The following FOXJ3 variants were observed in gnomAD, a reference collection of about 807,000 sequenced individuals.
FOXJ3 encodes the protein forkhead box J3.
A neutral mutation model predicts 76.1 loss-of-function variants in FOXJ3; 22 were observed. The observed-to-expected ratio is 0.29, with a 90% CI of 0.21 to 0.41. The LOEUF (loss-of-function observed/expected upper bound fraction) is 0.41, where lower values mean the gene tolerates loss of function less well. Among genes scored for constraint, FOXJ3 ranks in the 10% least tolerant of loss-of-function variants. FOXJ3 has a pLI of 1.00. For synonymous variants in FOXJ3, 269 were observed against 261.2 expected (o/e 1.03, Z -0.29); for missense variants, 613 against 762.1 (o/e 0.80, Z 2.30).
chr1:42,224,719 G>A (rs1647407786), intron 5 of FOXJ3, among the ~76,000 whole-genome samples: 1 of 151,980 alleles, frequency 6.6e-6, no homozygotes, highest in Admixed American at 6.6e-5. Flanking sequence ...TAACTGTCAA[G>A]CTTTATCTTC....
At chr1:42,232,505 T>C (rs1429143638) in intron 4 of FOXJ3, among the ~76,000 whole-genome samples, 1 of 149,036 alleles carries the variant, frequency 6.7e-6, no homozygotes, top group African/African-American at 2.5e-5. Context: ...TGGTGTGAGA[T>C]GGTATCTCAT....
chr1:42,335,434 G>C (rs1296316547), upstream of FOXJ3: 1 of 152,420 alleles, frequency 6.6e-6, no homozygotes, highest in African/African-American at 2.4e-5. Context: ...TCTAGCGGCC[G>C]GCAGTTCCGA....
rs1215182163 is a variant in FOXJ3 at position 42,303,152 on chromosome 1, A to AGT, written c.44+7897_44+7898insAC. 3.9e-5 allele frequency among the ~76,000 whole-genome samples: 6 copies of AGT among 152,334 alleles called. No individual in the cohort carries two copies. In the East Asian group the frequency reaches 1.2e-3, roughly 29 times the overall value. The stretch of plus-strand genomic sequence containing the variant: ...GAAATTACAATAAATACTTATAGCC[A>AGT]AGAGGCAGTAGAGTTAAATGGTTAA... On this transcript the variant is annotated intron_variant, in intron 2 of 12. Transcript: ENST00000361346.
chr1:42,216,764 T>C (rs761868224), intron 5 of FOXJ3, among the ~76,000 whole-genome samples: 5 of 151,928 alleles, frequency 3.3e-5, no homozygotes, highest in Non-Finnish European at 5.9e-5. Flanking sequence ...AATTCCTAGA[T>C]ATAAATAAAT....
chr1:42,293,815 T>C (rs1189550857), intron 2 of FOXJ3, among the ~76,000 whole-genome samples: 1 of 152,160 alleles, frequency 6.6e-6, no homozygotes, highest in Non-Finnish European at 1.5e-5. Flanking sequence ...GCAAGCTCCA[T>C]ATATATGTGA....
At chr1:42,206,770 A>T (rs1408923413) in intron 5 of FOXJ3, among the ~76,000 whole-genome samples, 2 of 152,192 alleles carry the variant, frequency 1.3e-5, no homozygotes, top group Non-Finnish European at 2.9e-5. Context: ...ATATACAATC[A>T]ATTAATGTTA....
intron 5 of FOXJ3, among the ~76,000 whole-genome samples, chr1:42,211,501 T>G (rs1646965351): frequency 6.6e-6 from 1 of 151,962 alleles, no homozygotes; most frequent in South Asian, 2.1e-4. Flanking sequence ...AGAGCTTCCC[T>G]AGCAACCTCT....
At chr1:42,181,417 G>T (rs1569744703) in intron 12 of FOXJ3, among the ~76,000 whole-genome samples, 1 of 152,180 alleles carries the variant, frequency 6.6e-6, no homozygotes, top group East Asian at 1.9e-4. Context: ...ATAGCTGGGG[G>T]AACTCCATAG....
At chr1:42,204,040 G>C (rs968591313) in intron 6 of FOXJ3, among the ~76,000 whole-genome samples, 1 of 151,560 alleles carries the variant, frequency 6.6e-6, no homozygotes, top group Non-Finnish European at 1.5e-5. Flanking sequence ...TATTCCTCAG[G>C]ATCTCGGCTC....
At chr1:42,210,481 CA>C (rs1256376767) in intron 5 of FOXJ3, among the ~76,000 whole-genome samples, 1 of 152,144 alleles carries the variant, frequency 6.6e-6, no homozygotes, top group Non-Finnish European at 1.5e-5. Context: ...AGCCAACCAG[CA>C]CAGCCCATTA....
intron 4 of FOXJ3, among the ~76,000 whole-genome samples, chr1:42,229,827 G>A (rs1280983948): frequency 6.6e-6 from 1 of 152,138 alleles, no homozygotes; most frequent in Non-Finnish European, 1.5e-5. Flanking sequence ...TAAAAATAAA[G>A]TAGCAGAGAA....
At chr1:42,265,071 T>A (rs1651362830) in intron 4 of FOXJ3, 44 bp downstream of exon 4, 2 of 1,151,156 alleles carry the variant, frequency 1.7e-6, no homozygotes, top group East Asian at 4.7e-5. Flanking sequence ...ACATGACAAG[T>A]GACATACTGA....
intron 2 of FOXJ3, among the ~76,000 whole-genome samples, chr1:42,297,934 T>G (rs1167149819): frequency 6.6e-6 from 1 of 152,176 alleles, no homozygotes; most frequent in Non-Finnish European, 1.5e-5. Context: ...GGTCCTGGCC[T>G]TTTTTATTGT....
intron 1 of FOXJ3, among the ~76,000 whole-genome samples, chr1:42,319,872 A>G (rs1010141286): frequency 1.3e-5 from 2 of 152,334 alleles, no homozygotes; most frequent in African/African-American, 4.8e-5. Flanking sequence ...TTACAAATCT[A>G]TAACTCCTTG....
chr1:42,306,291 CTTTTTTCT>C (rs1654459034), intron 2 of FOXJ3, among the ~76,000 whole-genome samples: 5 of 125,362 alleles, frequency 4.0e-5, no homozygotes, highest in Non-Finnish European at 8.1e-5. Context: ...ACTCTCTGAA[CTTTTTTCT>C]TTTTTTTTTT....
intron 3 of FOXJ3, among the ~76,000 whole-genome samples, chr1:42,270,958 T>TC (rs949644664): frequency 6.6e-5 from 10 of 152,148 alleles, no homozygotes; most frequent in African/African-American, 1.2e-4. Flanking sequence ...TCCCCACAGG[T>TC]CCCCCCAAAA....
chr1:42,282,941 C>G (rs181447125), intron 2 of FOXJ3, among the ~76,000 whole-genome samples: 12 of 152,266 alleles, frequency 7.9e-5, no homozygotes, highest in Admixed American at 7.8e-4. Context: ...TAGTAACTAT[C>G]CAATGAAGGT....
At chr1:42,301,073 G>T (rs1167264161) in intron 2 of FOXJ3, among the ~76,000 whole-genome samples, 2 of 152,058 alleles carry the variant, frequency 1.3e-5, no homozygotes, top group African/African-American at 4.8e-5. Context: ...CCCAGACTAG[G>T]GAAGTTTTCC....
chr1:42,234,769 A>G (rs1648458060), intron 4 of FOXJ3, among the ~76,000 whole-genome samples: 1 of 152,136 alleles, frequency 6.6e-6, no homozygotes, highest in Non-Finnish European at 1.5e-5. Context: ...GTTTTGTCTC[A>G]GAGGAGTACC....
Sources: allele counts gnomAD v4.1 joint callset (sites outside exome capture counted in the v4.1 genomes callset), GRCh38; gene constraint gnomAD v4.1.1; transcripts MANE v1.5; gene names NCBI Gene and HGNC (gene_info 2026-07-23, HGNC 2026-07-21).